Variants in KLHL32 observed in about 807,000 individuals in gnomAD.
KLHL32 encodes the protein kelch like family member 32, also known as kelch-like protein 32.
A neutral mutation model predicts 64.8 loss-of-function variants in KLHL32; 35 were observed. That is an observed-to-expected ratio of 0.54 (90% CI 0.41 to 0.72). The LOEUF (loss-of-function observed/expected upper bound fraction) is 0.72. Among genes scored for constraint, KLHL32 ranks in the 30% least tolerant of loss-of-function variants. The pLI is 0.00. For missense variants in KLHL32, 589 were observed against 768.5 expected, an observed-to-expected ratio of 0.77 and a Z score of 2.76; for synonymous variants, 259 against 281.0, an observed-to-expected ratio of 0.92 and a Z score of 0.78.
intron 5 of KLHL32, among the ~76,000 whole-genome samples, chr6:97,071,416 C>T (rs1463714380): frequency 6.6e-6 from 1 of 152,142 alleles, no homozygotes; most frequent in Non-Finnish European, 1.5e-5. Flanking sequence ...AAGTGTTCTT[C>T]CATTAGCTCC....
intron 2 of KLHL32, among the ~76,000 whole-genome samples, chr6:96,967,379 T>G (rs1006086413): frequency 6.6e-6 from 1 of 151,970 alleles, no homozygotes; most frequent in Non-Finnish European, 1.5e-5. Context: ...TAAAGGTATA[T>G]CACATAAAAA....
At chr6:97,044,851 T>G (rs1170877127) in intron 4 of KLHL32, among the ~76,000 whole-genome samples, 1 of 152,084 alleles carries the variant, frequency 6.6e-6, no homozygotes, top group African/African-American at 2.4e-5. Flanking sequence ...TGATATCTGT[T>G]GTAATATCTT....
the KLHL32 span, among the ~76,000 whole-genome samples, chr6:96,916,369 G>GAA: frequency 1.4e-3 from 211 of 151,976 alleles, no homozygotes; most frequent in African/African-American, 4.8e-3. Context: ...TAGAAGTACA[G>GAA]TCTTTCTCAG....
intron 10 of KLHL32, among the ~76,000 whole-genome samples, chr6:97,135,299 ATTTTT>A (rs747635380): frequency 1.0e-4 from 11 of 109,572 alleles, no homozygotes; most frequent in Admixed American, 4.0e-4. Context: ...AAATTTGTTA[ATTTTT>A]TTTTTTTTTT....
In KLHL32 at chr6:96,988,539, A is replaced by G. The variant is rs1271765615; in HGVS notation, c.204+12362A>G. Reference sequence around the variant, plus strand: ...AACTAGTTCAACCATTGTGGAAGTCAGTGTGGCGATTCCTCAGGGATCTAG... The same window carrying G: ...AACTAGTTCAACCATTGTGGAAGTCGGTGTGGCGATTCCTCAGGGATCTAG... On this transcript the variant is annotated intron_variant, in intron 3 of 10. Transcript: ENST00000369261. 1.5e-4 allele frequency among the ~76,000 whole-genome samples: 23 copies of G among 152,282 alleles called. No individual in the cohort carries two copies. The East Asian group carries it at 4.4e-3, about 29-fold the overall frequency.
At chr6:97,001,378 G>A (rs1293225047) in intron 3 of KLHL32, among the ~76,000 whole-genome samples, 1 of 152,150 alleles carries the variant, frequency 6.6e-6, no homozygotes, top group Non-Finnish European at 1.5e-5. Context: ...AAAAAATTTT[G>A]TAGGTACCTC....
chr6:96,912,721 A>G, the KLHL32 span, among the ~76,000 whole-genome samples: 1 of 152,202 alleles, frequency 6.6e-6, no homozygotes. Context: ...TATTATTATT[A>G]TTACTTATTG....
chr6:97,026,229 C>G (rs886313887), intron 3 of KLHL32, among the ~76,000 whole-genome samples: 1 of 151,976 alleles, frequency 6.6e-6, no homozygotes, highest in Non-Finnish European at 1.5e-5. Context: ...TTTGTGTTAG[C>G]CTGCATGGAC....
the KLHL32 span, among the ~76,000 whole-genome samples, chr6:96,915,630 T>C: frequency 7.1e-6 from 1 of 139,940 alleles, no homozygotes; most frequent in East Asian, 2.0e-4. Context: ...ATTCAATAAA[T>C]TGATAAGTTT....
At chr6:97,028,112 A>T (rs1394513415) in intron 3 of KLHL32, among the ~76,000 whole-genome samples, 1 of 152,250 alleles carries the variant, frequency 6.6e-6, no homozygotes, top group East Asian at 1.9e-4. Flanking sequence ...GGGAGGACTG[A>T]CTACCCCAGC....
chr6:96,955,361 G>A (rs1773128446), intron 1 of KLHL32, among the ~76,000 whole-genome samples: 1 of 151,932 alleles, frequency 6.6e-6, no homozygotes, highest in Non-Finnish European at 1.5e-5. Flanking sequence ...CAGTTATTAT[G>A]CATCCAACTG....
intron 2 of KLHL32, 112 bp from the exon 3 acceptor site, chr6:96,975,885 T>C: frequency 4.4e-6 from 3 of 678,646 alleles, no homozygotes. Context: ...GTCACACTCA[T>C]AGAGTGCACT....
At chr6:96,994,475 G>A (rs1279172769) in intron 3 of KLHL32, 6 of 984,018 alleles carry the variant, frequency 6.1e-6, no homozygotes, top group Non-Finnish European at 7.2e-6. Context: ...GTATAAAGTA[G>A]ATTTTTGTGC....
chr6:97,130,788 A>G lies in KLHL32; in HGVS notation c.1445A>G (p.Gln482Arg). The G allele has an allele frequency of 6.2e-7, 1 of 1,613,978 alleles. No homozygotes were observed. The highest frequency in any genetic ancestry group is 8.5e-7 in the Non-Finnish European group (1 of 1,179,928). Residue 482 changes from glutamine (Q) to arginine (R), a missense_variant, in exon 9 of 11, where the codon CAG becomes CGG. Physicochemically the swap from Gln to Arg is conservative, Grantham distance 43. Transcript: ENST00000369261. ...NKWISRSPML[Q>R]RRVYHSMAAV... ...TGGATAAGCCGTAGCCCCATGCTGC[A>G]GAGAAGGGTCTACCATTCCATGGCT...
intron 3 of KLHL32, among the ~76,000 whole-genome samples, chr6:97,000,390 AT>A (rs1778884988): frequency 6.6e-6 from 1 of 152,220 alleles, no homozygotes; most frequent in Admixed American, 6.5e-5. Flanking sequence ...TTCAATGGGC[AT>A]TTTTTGACAG....
At chr6:97,114,615 C>A in intron 7 of KLHL32, 106 bp downstream of exon 7, 4 of 1,330,450 alleles carry the variant, frequency 3.0e-6, no homozygotes, top group Non-Finnish European at 4.2e-6. Flanking sequence ...AAGATTGAAC[C>A]AAGCATGCCA....
chr6:97,045,299 A>T (rs1785754459), intron 4 of KLHL32, among the ~76,000 whole-genome samples: 1 of 152,206 alleles, frequency 6.6e-6, no homozygotes, highest in Non-Finnish European at 1.5e-5. Flanking sequence ...AAGTGAGTAA[A>T]TCATGTATTT....
chr6:96,941,941 T>C (rs1350923114), intron 1 of KLHL32, among the ~76,000 whole-genome samples: 1 of 152,212 alleles, frequency 6.6e-6, no homozygotes. Flanking sequence ...CAGATCCTTA[T>C]TCCTATGCAA....
At chr6:97,136,693 T>C (rs1800060010) in intron 10 of KLHL32, among the ~76,000 whole-genome samples, 1 of 152,230 alleles carries the variant, frequency 6.6e-6, no homozygotes, top group South Asian at 2.1e-4. Flanking sequence ...GAGGATACAG[T>C]GCCAGCTTGG....
Sources: allele counts gnomAD v4.1 joint callset (sites outside exome capture counted in the v4.1 genomes callset), GRCh38; gene constraint gnomAD v4.1.1; transcripts MANE v1.5; gene names NCBI Gene and HGNC (gene_info 2026-07-23, HGNC 2026-07-21).